Variants in LUZP2 observed in about 807,000 individuals in gnomAD.
LUZP2 encodes leucine zipper protein 2.
In LUZP2, 52 loss-of-function variants were observed where a neutral mutation model predicts 51.6. That is an observed-to-expected ratio of 1.01 (90% confidence interval 0.81 to 1.27). The LOEUF (loss-of-function observed/expected upper bound fraction) is 1.27, where lower values mean the gene tolerates loss of function less well. LUZP2 is among the 50% of genes most tolerant of loss of function. LUZP2 has a pLI of 0.00. For missense variants in LUZP2, 436 were observed against 395.4 expected (o/e 1.10, Z -0.87); for synonymous variants, 154 against 137.3 (o/e 1.12, Z -0.85).
At chr11:24,843,944 T>C (rs765792344) in intron 5 of LUZP2, among the ~76,000 whole-genome samples, 1 of 152,204 alleles carries the variant, frequency 6.6e-6, no homozygotes, top group Admixed American at 6.5e-5. Flanking sequence ...TGTGAAACTG[T>C]AAGTCCCTTT....
intron 1 of LUZP2, among the ~76,000 whole-genome samples, chr11:24,500,624 C>A (rs1481131112): frequency 6.6e-6 from 1 of 152,108 alleles, no homozygotes; most frequent in Non-Finnish European, 1.5e-5. Context: ...TTCTGCTGAA[C>A]CTCTGTTCCT....
chr11:25,055,234 C>T (rs983843432), intron 10 of LUZP2, among the ~76,000 whole-genome samples: 1 of 151,922 alleles, frequency 6.6e-6, no homozygotes, highest in African/African-American at 2.4e-5. Context: ...TGGTCTCGAT[C>T]TCTTGACCTT....
chr11:24,769,786 C>CTTT (rs1554988302), intron 5 of LUZP2, among the ~76,000 whole-genome samples: 32 of 147,036 alleles, frequency 2.2e-4, no homozygotes, highest in African/African-American at 6.9e-4. Context: ...ACTAAATTCT[C>CTTT]TTTTTTGTTT....
intron 7 of LUZP2, among the ~76,000 whole-genome samples, chr11:24,964,388 A>G (rs187262968): frequency 6.6e-6 from 1 of 152,300 alleles, no homozygotes; most frequent in African/African-American, 2.4e-5. Context: ...GATAACCATA[A>G]ATATAGTAAT....
intron 1 of LUZP2, among the ~76,000 whole-genome samples, chr11:24,576,118 TTTA>T: frequency 6.6e-6 from 1 of 152,154 alleles, no homozygotes; most frequent in African/African-American, 2.4e-5. Flanking sequence ...ATTTTTCTAA[TTTA>T]AAAAATGGAC....
At chr11:24,950,040 G>C (rs1054114150) in intron 7 of LUZP2, among the ~76,000 whole-genome samples, 1 of 149,392 alleles carries the variant, frequency 6.7e-6, no homozygotes, top group African/African-American at 2.5e-5. Flanking sequence ...GTAATGGGTG[G>C]ATACCCATGA....
At chr11:24,686,030 C>T (rs1377574492) in intron 1 of LUZP2, among the ~76,000 whole-genome samples, 3 of 152,094 alleles carry the variant, frequency 2.0e-5, no homozygotes, top group Admixed American at 6.6e-5. Flanking sequence ...AATCATTCCT[C>T]TCAAATTTAC....
intron 5 of LUZP2, among the ~76,000 whole-genome samples, chr11:24,805,984 GC>G: frequency 6.6e-6 from 1 of 152,164 alleles, no homozygotes; most frequent in East Asian, 1.9e-4. Context: ...TTGGCAGAAA[GC>G]CTGTTGCAAA....
Position 24,498,862 on chromosome 11 carries a change from T to C in LUZP2, c.62+1557T>C, listed in dbSNP as rs143188125. Among the ~76,000 whole-genome samples the C allele has an allele frequency of 2.4e-3, 369 of 152,264 alleles. 2 individuals carry two copies. Among genetic ancestry groups the C allele is most frequent in the African/African-American group, 8.5e-3 (355 of 41,552 alleles). The stretch of plus-strand genomic sequence containing the variant: ...TAAATAATAGGAAATATTTAAACAA[T>C]AGAAATCCAGCCCACAGTGATTTTA... On this transcript the variant is annotated intron_variant, in intron 1 of 11. Coordinates refer to ENST00000336930, the MANE Select transcript of LUZP2 (RefSeq NM_001009909.4).
intron 5 of LUZP2, among the ~76,000 whole-genome samples, chr11:24,815,162 A>G (rs1366966842): frequency 6.6e-6 from 1 of 152,218 alleles, no homozygotes; most frequent in Non-Finnish European, 1.5e-5. Context: ...TCAATTCTTC[A>G]TAATTAAACC....
chr11:24,719,694 C>T (rs1311765839), intron 1 of LUZP2, among the ~76,000 whole-genome samples: 1 of 152,150 alleles, frequency 6.6e-6, no homozygotes, highest in African/African-American at 2.4e-5. Flanking sequence ...GTATATTTAC[C>T]TGACTCTTGA....
intron 1 of LUZP2, among the ~76,000 whole-genome samples, chr11:24,639,578 A>T (rs1310921691): frequency 2.6e-5 from 4 of 151,606 alleles, no homozygotes; most frequent in Admixed American, 2.0e-4. Context: ...CAGCCTCCTG[A>T]GTAGATGGAA....
intron 1 of LUZP2, among the ~76,000 whole-genome samples, chr11:24,657,525 G>A (rs1855849108): frequency 6.6e-6 from 1 of 152,122 alleles, no homozygotes; most frequent in South Asian, 2.1e-4. Context: ...CACAAGACAG[G>A]GATGCCCTCT....
At chr11:24,643,313 TG>T (rs906420754) in intron 1 of LUZP2, among the ~76,000 whole-genome samples, 1 of 148,686 alleles carries the variant, frequency 6.7e-6, no homozygotes, top group African/African-American at 2.5e-5. Flanking sequence ...TCTGGGAGGT[TG>T]GGGGGTAGAG....
chr11:24,801,740 C>G (rs2134117044), intron 5 of LUZP2, among the ~76,000 whole-genome samples: 1 of 150,614 alleles, frequency 6.6e-6, no homozygotes, highest in Admixed American at 6.7e-5. Flanking sequence ...CAAAACTTTC[C>G]TAAATTTATT....
chr11:24,531,913 C>T (rs1251035268), intron 1 of LUZP2, among the ~76,000 whole-genome samples: 2 of 150,878 alleles, frequency 1.3e-5, no homozygotes, highest in Non-Finnish European at 3.0e-5. Context: ...ATCTCTTTAA[C>T]CTAACTTCCC....
At chr11:24,789,636 G>T (rs1849351886) in intron 5 of LUZP2, among the ~76,000 whole-genome samples, 1 of 152,074 alleles carries the variant, frequency 6.6e-6, no homozygotes, top group African/African-American at 2.4e-5. Flanking sequence ...TAAAATGGGT[G>T]GCTTATAAAC....
At position 24,920,139 on chromosome 11, in the gene LUZP2, A is replaced by T. The variant is rs561795996; in HGVS notation, c.522+5601A>T. Reference sequence around the variant, plus strand: ...AAAAACAATGTTTACAATACTCCCAAGTCACAAAAAATTCAATCTATCAAC... The same window carrying T: ...AAAAACAATGTTTACAATACTCCCATGTCACAAAAAATTCAATCTATCAAC... On this transcript the variant is annotated intron_variant, in intron 7 of 11. Coordinates refer to ENST00000336930, the MANE Select transcript of LUZP2 (RefSeq NM_001009909.4). Among the ~76,000 whole-genome samples the T allele has an allele frequency of 2.0e-5, 3 of 152,012 alleles. No individual in the cohort carries two copies. The South Asian group carries it at 6.2e-4, about 32-fold the overall frequency.
chr11:24,607,185 G>T, intron 1 of LUZP2, among the ~76,000 whole-genome samples: 1 of 150,044 alleles, frequency 6.7e-6, no homozygotes. Flanking sequence ...CTAGGCTTTT[G>T]ATGTCAAATC....
Sources: allele counts gnomAD v4.1 joint callset (sites outside exome capture counted in the v4.1 genomes callset), GRCh38; gene constraint gnomAD v4.1.1; transcripts MANE v1.5; gene names NCBI Gene and HGNC (gene_info 2026-07-23, HGNC 2026-07-21).